Variants in CNTLN observed in about 807,000 individuals in gnomAD.
CNTLN encodes centlein, centrosomal protein.
Under a neutral mutation model 180.0 loss-of-function variants are expected in CNTLN, and 212 were observed. That is an observed-to-expected ratio of 1.18 (90% confidence interval 1.05 to 1.32). The LOEUF is 1.32. Among genes scored for constraint, CNTLN ranks in the 40% most tolerant of loss-of-function variants. The probability of loss-of-function intolerance (pLI) is 0.00; values close to 1 mark genes in which losing one functional copy is unlikely to be tolerated. For synonymous variants in CNTLN, 722 were observed against 563.1 expected (o/e 1.28, Z -3.99); for missense variants, 2,095 against 1,610.9 (o/e 1.30, Z -5.14).
intron 21 of CNTLN, among the ~76,000 whole-genome samples, 169 bp from the exon 22 acceptor site, chr9:17,465,812 A>G (rs921315463): frequency 6.6e-6 from 1 of 151,344 alleles, no homozygotes; most frequent in African/African-American, 2.4e-5. Context: ...AAGGATTGTT[A>G]CTTTCATTCA....
At chr9:17,144,782 T>A (rs1818331601) in intron 2 of CNTLN, among the ~76,000 whole-genome samples, 3 of 151,362 alleles carry the variant, frequency 2.0e-5, no homozygotes, top group Non-Finnish European at 4.4e-5. Context: ...CAAAATTTAG[T>A]GTGCACAAGT....
chr9:17,190,615 T>C (rs904884998), intron 2 of CNTLN, among the ~76,000 whole-genome samples: 1 of 152,202 alleles, frequency 6.6e-6, no homozygotes, highest in African/African-American at 2.4e-5. Context: ...GATCTTTATA[T>C]CTGGAATTTC....
intron 18 of CNTLN, among the ~76,000 whole-genome samples, chr9:17,443,419 T>C (rs1564110963): frequency 6.6e-6 from 1 of 152,152 alleles, no homozygotes; most frequent in South Asian, 2.1e-4. Flanking sequence ...TTGTGTGGTA[T>C]CTAGGAAGGG....
At chr9:17,409,001 T>A (rs1451472078) in intron 15 of CNTLN, among the ~76,000 whole-genome samples, 1 of 152,146 alleles carries the variant, frequency 6.6e-6, no homozygotes, top group African/African-American at 2.4e-5. Context: ...GCTCCAACCC[T>A]GGAAGTGTTA....
At chr9:17,417,577 A>G (rs1419167253) in intron 18 of CNTLN, among the ~76,000 whole-genome samples, 4 of 152,062 alleles carry the variant, frequency 2.6e-5, no homozygotes, top group East Asian at 3.8e-4. Context: ...AAATTCTGAT[A>G]TTGTCAGAGG....
chr9:17,265,304 G>A (rs1385307012), intron 5 of CNTLN, among the ~76,000 whole-genome samples: 1 of 152,000 alleles, frequency 6.6e-6, no homozygotes, highest in East Asian at 1.9e-4. Context: ...ATAATCATGT[G>A]GTTTTTGTCT....
chr9:17,201,651 A>G (rs187512994), intron 2 of CNTLN, among the ~76,000 whole-genome samples: 2 of 152,188 alleles, frequency 1.3e-5, no homozygotes, highest in East Asian at 3.9e-4. Context: ...CTCTGATGGT[A>G]GTTTGTATTT....
At chr9:17,234,928 G>A (rs1442488325) in intron 3 of CNTLN, among the ~76,000 whole-genome samples, 2 of 152,172 alleles carry the variant, frequency 1.3e-5, no homozygotes, top group Non-Finnish European at 2.9e-5. Context: ...GAGAGGTCTT[G>A]TATAGCTGGA....
intron 2 of CNTLN, among the ~76,000 whole-genome samples, chr9:17,222,268 G>A (rs1824186401): frequency 6.6e-6 from 1 of 151,920 alleles, no homozygotes; most frequent in Non-Finnish European, 1.5e-5. Context: ...ACTCTAATTA[G>A]GCTTTGTAAT....
At chr9:17,289,796 C>G (rs747024047) in intron 6 of CNTLN, among the ~76,000 whole-genome samples, 1 of 143,384 alleles carries the variant, frequency 7.0e-6, no homozygotes, top group Non-Finnish European at 1.5e-5. Flanking sequence ...TCCAGTTGAT[C>G]GCATGGGCTC....
In CNTLN at chr9:17,215,525, A is replaced by T. The variant is rs117961000; in HGVS notation, c.450-10678A>T. On this transcript the variant is annotated intron_variant, in intron 2 of 25. Transcript: ENST00000380647. ...GGGAACCACTTGAGGAGGCAGTTTG[A>T]CCATTCTCAGATCTCACACTCCATA... 6.9e-3 allele frequency among the ~76,000 whole-genome samples: 1,055 copies of T among 152,152 alleles called. 8 individuals carry two copies. The highest frequency in any genetic ancestry group is 0.011 in the Non-Finnish European group (720 of 67,976).
At chr9:17,422,886 G>T (rs1828815410) in intron 18 of CNTLN, among the ~76,000 whole-genome samples, 1 of 152,100 alleles carries the variant, frequency 6.6e-6, no homozygotes, top group African/African-American at 2.4e-5. Flanking sequence ...CAAAGGAATT[G>T]AGTGTTATGA....
In CNTLN at chr9:17,145,757, T is replaced by C. The variant is rs181704385; in HGVS notation, c.449+2381T>C. On this transcript the variant is annotated intron_variant, in intron 2 of 25. Coordinates refer to ENST00000380647, the MANE Select transcript of CNTLN (RefSeq NM_017738.4). The stretch of plus-strand genomic sequence containing the variant: ...TCTTTTCGTTGTACAGCTGAACTTA[T>C]TACACAGTTTCTAGGATGCCAGATT... 1.5e-4 allele frequency among the ~76,000 whole-genome samples: 23 copies of C among 152,352 alleles called. No homozygotes were observed. The East Asian group carries it at 2.3e-3, about 15-fold the overall frequency.
At chr9:17,225,060 A>G (rs1824377674) in intron 2 of CNTLN, among the ~76,000 whole-genome samples, 1 of 151,862 alleles carries the variant, frequency 6.6e-6, no homozygotes. Context: ...CTTTCCTGAA[A>G]TAGGTTTTAT....
chr9:17,282,582 T>C (rs1828730635), intron 6 of CNTLN, among the ~76,000 whole-genome samples: 2 of 152,172 alleles, frequency 1.3e-5, no homozygotes, highest in Non-Finnish European at 2.9e-5. Flanking sequence ...AGAAGCTCTT[T>C]AGTTTAATTA....
At chr9:17,286,121 G>T (rs1311851651) in intron 6 of CNTLN, among the ~76,000 whole-genome samples, 1 of 81,066 alleles carries the variant, frequency 1.2e-5, no homozygotes. Flanking sequence ...TTTTCTTCTA[G>T]GGTTTTTATG....
chr9:17,366,477 T>G (rs530326666), intron 12 of CNTLN, 140 bp from the exon 13 acceptor site: 1 of 411,312 alleles, frequency 2.4e-6, no homozygotes, highest in African/African-American at 2.1e-5. Context: ...TGCTTTCATT[T>G]TACTCTTCTC....
intron 11 of CNTLN, among the ~76,000 whole-genome samples, chr9:17,341,521 G>A (rs1821479420): frequency 6.6e-6 from 1 of 152,008 alleles, no homozygotes; most frequent in East Asian, 1.9e-4. Context: ...GTCGTAAGTG[G>A]CTCCCCTGTT....
intron 12 of CNTLN, among the ~76,000 whole-genome samples, chr9:17,363,356 C>G (rs1401465262): frequency 6.6e-6 from 1 of 152,160 alleles, no homozygotes; most frequent in Non-Finnish European, 1.5e-5. Flanking sequence ...AAGAGCATTC[C>G]TGTTTCTCCA....
Sources: gnomAD v4.1 joint callset for allele counts (sites outside exome capture counted in the v4.1 genomes callset) on GRCh38, gnomAD v4.1.1 for gene constraint, MANE v1.5 for transcripts, NCBI Gene and HGNC (gene_info 2026-07-23, HGNC 2026-07-21) for gene names.